The following IL17RD variants were observed in gnomAD, a reference collection of about 807,000 sequenced individuals.
IL17RD encodes the protein interleukin-17 receptor D.
IL17RD carries 52 observed loss-of-function variants against 80.5 expected under a neutral mutation model. The ratio of observed to expected loss-of-function variants is 0.65; its 90% CI spans 0.52 to 0.81. The LOEUF (loss-of-function observed/expected upper bound fraction) is 0.81, where lower values mean the gene tolerates loss of function less well. Among genes scored for constraint, IL17RD ranks in the 40% least tolerant of loss-of-function variants. The probability of loss-of-function intolerance (pLI) is 0.00; values close to 1 mark genes in which losing one functional copy is unlikely to be tolerated. For missense variants in IL17RD, 1,024 were observed against 955.1 expected (o/e 1.07, Z -0.95); for synonymous variants, 416 against 391.8 (o/e 1.06, Z -0.73).
intron 1 of IL17RD, among the ~76,000 whole-genome samples, chr3:57,163,932 G>C (rs2060326240): frequency 6.6e-6 from 1 of 152,058 alleles, no homozygotes; most frequent in Admixed American, 6.5e-5. Flanking sequence ...GGACTGTGGG[G>C]CAAGTGAGCT....
At chr3:57,134,124 G>T in intron 1 of IL17RD, 1 of 577,920 alleles carries the variant, frequency 1.7e-6, no homozygotes, top group Non-Finnish European at 3.2e-6. Flanking sequence ...TTTCGCTGCT[G>T]CGGCCACAGC....
At chr3:57,142,721 G>C (rs558359050) in intron 1 of IL17RD, among the ~76,000 whole-genome samples, 36 of 152,172 alleles carry the variant, frequency 2.4e-4, no homozygotes, top group African/African-American at 8.4e-4. Context: ...AGGAGACTTT[G>C]AAGGCCAAAA....
chr3:57,154,283 T>TATATACACATATACACACAC (rs904157398), intron 1 of IL17RD, among the ~76,000 whole-genome samples: 2 of 112,912 alleles, frequency 1.8e-5, no homozygotes, highest in South Asian at 3.4e-4. Context: ...TATATATATA[T>TATATACACATATACACACAC]ACACACACAC....
chr3:57,152,291 A>G (rs573399400), intron 1 of IL17RD, among the ~76,000 whole-genome samples: 88 of 152,324 alleles, frequency 5.8e-4, no homozygotes, highest in African/African-American at 2.1e-3. Context: ...CATTCCTGCC[A>G]GCATCTAAAT....
At chr3:57,129,794 C>T (rs1559478320) in intron 1 of IL17RD, among the ~76,000 whole-genome samples, 1 of 152,298 alleles carries the variant, frequency 6.6e-6, no homozygotes, top group Non-Finnish European at 1.5e-5. Flanking sequence ...ATGGTGGTCT[C>T]GGACAGAAAA....
rs1302753065 is a variant in IL17RD at position 57,097,918 on chromosome 3, T to C, written c.1785A>G (p.Pro595=). The C allele has an allele frequency of 6.2e-7, 1 of 1,614,024 alleles. No homozygotes were observed. ...GLVLNDVMCK[P]GPESDFCLKV... ...TTAGGCAGAAGTCACTCTCAGGCCC[T>C]GGTTTGCACATGACATCATTTAAAA... Residue 595 remains proline (P), a synonymous_variant, in exon 12 of 13, where the codon CCA becomes CCG. Transcript: ENST00000296318.
intron 1 of IL17RD, chr3:57,134,278 G>A: frequency 2.9e-6 from 2 of 682,290 alleles, no homozygotes; most frequent in Admixed American, 1.8e-5. Flanking sequence ...ATCAAAGATG[G>A]GCTGATCATC....
In IL17RD at chr3:57,092,580, C is replaced by T. The variant is rs1245962355; in HGVS notation, c.*3813G>A. 4 of 124,052 alleles carry T rather than the reference C, an allele frequency of 3.2e-5. No homozygotes were observed. The highest frequency in any genetic ancestry group is 7.1e-5 in the Non-Finnish European group (4 of 56,370). 7.7% of individuals were successfully genotyped at this position (124,052 alleles called of 1,614,324 possible). ...CTCCAGCCTGGGCAACAGAGCAAGA[C>T]TCCATCTCAAAAAAAAAAAAATGAA... On this transcript the variant is annotated 3_prime_UTR_variant, in exon 13 of 13. Transcript: ENST00000296318.
intron 1 of IL17RD, among the ~76,000 whole-genome samples, chr3:57,121,652 T>G (rs1707342766): frequency 1.3e-5 from 2 of 152,118 alleles, no homozygotes; most frequent in African/African-American, 4.8e-5. Flanking sequence ...ACTCCTCACC[T>G]GAACTAAAAC....
chr3:57,149,859 C>T (rs1053299584), intron 1 of IL17RD, among the ~76,000 whole-genome samples: 11 of 152,224 alleles, frequency 7.2e-5, no homozygotes, highest in African/African-American at 2.7e-4. Context: ...TCTCAACTGA[C>T]ACCTAGATAA....
intron 1 of IL17RD, among the ~76,000 whole-genome samples, chr3:57,152,892 G>A (rs546156007): frequency 6.6e-6 from 1 of 152,270 alleles, no homozygotes; most frequent in African/African-American, 2.4e-5. Context: ...ACAAAGGAAA[G>A]AAATGGCTGA....
At chr3:57,133,723 A>C (rs547046496) in intron 1 of IL17RD, among the ~76,000 whole-genome samples, 42 of 152,330 alleles carry the variant, frequency 2.8e-4, no homozygotes, top group African/African-American at 9.9e-4. Context: ...TCAATTATAA[A>C]GCAAATCCAT....
Position 57,165,305 on chromosome 3 carries a change from C to G in IL17RD, c.-19G>C. 7.2e-7 allele frequency: 1 copy of G among 1,393,408 alleles called. No individual in the cohort carries two copies. The highest frequency in any genetic ancestry group is 1.6e-5 in the South Asian group (1 of 62,320). The allele number at this position is 1,393,408 out of a possible 1,614,324, so 86.3% of individuals were successfully genotyped here. A position where few individuals can be genotyped will look rare whatever the true frequency, so the allele number is the denominator to read the frequency against. ...GGGCCATGGCCGTGCGCTCGCCCAG[C>G]CAGGCCGTTCTCTGCGCCCCGGCCG... On this transcript the variant is annotated 5_prime_UTR_variant, in exon 1 of 13. Coordinates refer to ENST00000296318, the MANE Select transcript of IL17RD (RefSeq NM_017563.5).
At chr3:57,108,317 T>G (rs6445855) in intron 5 of IL17RD, among the ~76,000 whole-genome samples, 129,369 of 151,702 alleles carry the variant, frequency 0.85, 55,751 homozygotes, top group South Asian at 0.95. Context: ...GCCTCCCAAA[T>G]TGCTGGGATT....
rs1249111623 is a variant in IL17RD at position 57,094,214 on chromosome 3, G to C, written c.*2179C>G. 1.3e-5 allele frequency: 2 copies of C among 152,134 alleles called. No homozygotes were observed. The highest frequency in any genetic ancestry group is 2.4e-5 in the African/African-American group (1 of 41,414). The allele number at this position is 152,134 out of a possible 1,614,324, so 9.4% of individuals were successfully genotyped here. A position where few individuals can be genotyped will look rare whatever the true frequency, so the allele number is the denominator to read the frequency against. ...CATTTCTAGCATACTGGGGAGAGTAGAAAAAGTGAAACTAATTAAACAAAA... is the reference window on the plus strand; with the variant it reads ...CATTTCTAGCATACTGGGGAGAGTACAAAAAGTGAAACTAATTAAACAAAA... On this transcript the variant is annotated 3_prime_UTR_variant, in exon 13 of 13. Coordinates refer to ENST00000296318, the MANE Select transcript of IL17RD (RefSeq NM_017563.5).
At chr3:57,105,330 G>A (rs1706929330) in intron 7 of IL17RD, among the ~76,000 whole-genome samples, 1 of 151,780 alleles carries the variant, frequency 6.6e-6, no homozygotes, top group Admixed American at 6.6e-5. Context: ...TTGAGGTCAG[G>A]AGTCTAAGAC....
chr3:57,156,439 C>G (rs2060267533), intron 1 of IL17RD, among the ~76,000 whole-genome samples: 1 of 152,082 alleles, frequency 6.6e-6, no homozygotes, highest in Non-Finnish European at 1.5e-5. Flanking sequence ...GTGGCACGTG[C>G]CTGTAGTCCC....
chr3:57,124,344 A>G (rs1365473497), intron 1 of IL17RD, among the ~76,000 whole-genome samples: 6 of 152,154 alleles, frequency 3.9e-5, no homozygotes, highest in Non-Finnish European at 8.8e-5. Flanking sequence ...GACTATGGAG[A>G]TGTAATTAAG....
intron 1 of IL17RD, among the ~76,000 whole-genome samples, chr3:57,154,277 T>TACACACACACACACACACAC (rs1420516131): frequency 1.7e-4 from 21 of 124,516 alleles, no homozygotes; most frequent in African/African-American, 6.7e-4. Flanking sequence ...TATATATATA[T>TACACACACACACACACACAC]ATATATACAC....
Sources: gnomAD v4.1 joint callset for allele counts (sites outside exome capture counted in the v4.1 genomes callset) on GRCh38, gnomAD v4.1.1 for gene constraint, MANE v1.5 for transcripts, NCBI Gene and HGNC (gene_info 2026-07-23, HGNC 2026-07-21) for gene names.